The following GSE1 variants were observed in gnomAD, a reference collection of about 807,000 sequenced individuals.
The protein encoded by GSE1 is Gse1 coiled-coil protein, also known as genetic suppressor element 1.
In GSE1, 32 loss-of-function variants were observed where a neutral mutation model predicts 112.6. That is an observed-to-expected ratio of 0.28 (90% confidence interval 0.21 to 0.38). The LOEUF (loss-of-function observed/expected upper bound fraction) is 0.38, where lower values mean the gene tolerates loss of function less well. Among genes scored for constraint, GSE1 ranks in the 10% least tolerant of loss-of-function variants. The pLI is 1.00. For missense variants in GSE1, 2,348 were observed against 1,699.2 expected (o/e 1.38, Z -6.71); for synonymous variants, 1,115 against 735.6 (o/e 1.52, Z -8.35).
rs1598752334 is a variant in GSE1 at position 85,675,579 on chromosome 16, T to G, written c.*3040T>G. The G allele has an allele frequency of 6.6e-6, 1 of 152,318 alleles. No homozygotes were observed. The highest frequency in any genetic ancestry group is 2.1e-4 in the South Asian group (1 of 4,828). 9.4% of individuals were successfully genotyped at this position (152,318 alleles called of 1,614,324 possible). Reference sequence around the variant, plus strand: ...CAAAAGGAGCCCACACCTTCAGCAGTGAAGGATTCTAACACAGGGAATCTG... The same window carrying G: ...CAAAAGGAGCCCACACCTTCAGCAGGGAAGGATTCTAACACAGGGAATCTG... On this transcript the variant is annotated 3_prime_UTR_variant, in exon 16 of 16. Coordinates refer to ENST00000253458, the MANE Select transcript of GSE1 (RefSeq NM_014615.5).
intron 2 of GSE1, among the ~76,000 whole-genome samples, chr16:85,541,370 G>A (rs538198020): frequency 1.3e-5 from 2 of 152,376 alleles, no homozygotes; most frequent in South Asian, 2.1e-4. Flanking sequence ...GCCAGAGGCG[G>A]AGCCTGGGTA....
chr16:85,336,173 G>C (rs2046479480), intron 1 of GSE1, among the ~76,000 whole-genome samples: 1 of 152,198 alleles, frequency 6.6e-6, no homozygotes, highest in Non-Finnish European at 1.5e-5. Flanking sequence ...GGGCTGACTG[G>C]GCAGCATCAA....
intron 2 of GSE1, among the ~76,000 whole-genome samples, chr16:85,435,906 G>C (rs977904461): frequency 5.3e-5 from 8 of 152,112 alleles, no homozygotes; most frequent in Admixed American, 4.6e-4. Context: ...CAGGGGACTT[G>C]TGTGTGCCTA....
chr16:85,357,444 C>G (rs1053776179), intron 1 of GSE1: 10 of 1,199,432 alleles, frequency 8.3e-6, no homozygotes, highest in Non-Finnish European at 1.1e-5. Context: ...CTCACTGTGT[C>G]CACCTCTTTT....
At chr16:85,669,735 G>C (rs1055205080) in intron 14 of GSE1, among the ~76,000 whole-genome samples, 2 of 152,186 alleles carry the variant, frequency 1.3e-5, no homozygotes, top group Non-Finnish European at 2.9e-5. Context: ...CTGTGAGTTT[G>C]GCTTTTTCCT....
chr16:85,199,603 A>C (rs1335194038), intron 1 of GSE1, among the ~76,000 whole-genome samples: 1 of 152,218 alleles, frequency 6.6e-6, no homozygotes, highest in East Asian at 1.9e-4. Context: ...ATTTCTGGGT[A>C]ATGCGTAGTT....
At chr16:85,547,004 G>A (rs568304499) in intron 2 of GSE1, among the ~76,000 whole-genome samples, 189 of 152,304 alleles carry the variant, frequency 1.2e-3, no homozygotes, top group African/African-American at 3.7e-3. Context: ...ATGAGACGGC[G>A]GGCAGGTCCC....
Position 85,488,493 on chromosome 16 carries a change from C to G in GSE1, c.2464+130850C>G, listed in dbSNP as rs138180086. Among the ~76,000 whole-genome samples, 227 of 152,140 alleles carry G rather than the reference C, an allele frequency of 1.5e-3. 1 individual carries two copies. Among genetic ancestry groups the G allele is most frequent in the African/African-American group, 5.2e-3 (214 of 41,506 alleles). On this transcript the variant is annotated intron_variant, in intron 2 of 2. Transcript: ENST00000637419. ...CTTGTTGCAAGTCTGGCTTATTCCT[C>G]TCTCAGCAGGTCCAAGCTCCCTGTT...
At chr16:85,241,363 A>G (rs1408338849) in intron 1 of GSE1, among the ~76,000 whole-genome samples, 1 of 151,952 alleles carries the variant, frequency 6.6e-6, no homozygotes, top group Non-Finnish European at 1.5e-5. Flanking sequence ...TCCCTGTGCT[A>G]CCTCCCAGGC....
At chr16:85,397,439 C>T (rs963596160) in intron 2 of GSE1, among the ~76,000 whole-genome samples, 3 of 152,248 alleles carry the variant, frequency 2.0e-5, no homozygotes, top group East Asian at 1.9e-4. Flanking sequence ...TGTATCTCCT[C>T]GCATGGACCC....
chr16:85,633,887 C>T (rs755964711), intron 1 of GSE1, 27 bp from the exon 2 acceptor site: 38 of 1,580,162 alleles, frequency 2.4e-5, no homozygotes, highest in Non-Finnish European at 2.8e-5. Context: ...CTCTGGGTGA[C>T]CTCTGGTTCT....
In GSE1 at chr16:85,674,950, C is replaced by G. The variant is rs1178481896; in HGVS notation, c.*2411C>G. ...GTAATACGACAATCAGAATACAAAC[C>G]AGTAAGGCAACACGAATAAACTAAG... On this transcript the variant is annotated 3_prime_UTR_variant, in exon 16 of 16. Coordinates refer to ENST00000253458, the MANE Select transcript of GSE1 (RefSeq NM_014615.5). 2 of 152,628 alleles carry G rather than the reference C, an allele frequency of 1.3e-5. No individual in the cohort carries two copies. Among genetic ancestry groups the G allele is most frequent in the African/African-American group, 4.8e-5 (2 of 41,454 alleles). 9.5% of individuals were successfully genotyped at this position (152,628 alleles called of 1,614,324 possible). A position where few individuals can be genotyped will look rare whatever the true frequency, so the allele number is the denominator to read the frequency against.
Position 85,663,043 on chromosome 16 carries a change from C to A in GSE1, c.2323C>A (p.Leu775Ile). The stretch of plus-strand genomic sequence containing the variant: ...CGATGAGGAGGAGGTCAGGGCCCAC[C>A]TCCGTTGCGTGGCCGAGCAGCCGCC... Reference protein sequence around the residue: ...ESDEEEVRAHLRCVAEQPPLK... With the variant: ...ESDEEEVRAHIRCVAEQPPLK... The change falls in exon 10 of 16, where the codon CTC becomes ATC. Residue 775 changes from leucine (L) to isoleucine (I), a missense_variant. Coordinates refer to ENST00000253458, the MANE Select transcript of GSE1 (RefSeq NM_014615.5). The A allele has an allele frequency of 6.2e-7, 1 of 1,613,294 alleles. No homozygotes were observed. The highest frequency in any genetic ancestry group is 8.5e-7 in the Non-Finnish European group (1 of 1,179,844).
chr16:85,674,410 G>A lies in GSE1; in HGVS notation c.*1871G>A, dbSNP rs1006598415. ...AGAAGCAGCTGGAAGAGAACTCGAG[G>A]GGCTGTGCTGCAGGCCTCCCCTCGA... On this transcript the variant is annotated 3_prime_UTR_variant, in exon 16 of 16. Transcript: ENST00000253458. 1 of 151,974 alleles carries A rather than the reference G, an allele frequency of 6.6e-6. No individual in the cohort carries two copies. Among genetic ancestry groups the A allele is most frequent in the Non-Finnish European group, 1.5e-5 (1 of 68,046 alleles). The allele number at this position is 151,974 out of a possible 1,614,324, so 9.4% of individuals were successfully genotyped here.
chr16:85,300,652 G>T (rs564238803), intron 1 of GSE1, among the ~76,000 whole-genome samples: 1 of 152,206 alleles, frequency 6.6e-6, no homozygotes, highest in Non-Finnish European at 1.5e-5. Context: ...ATAGTCCATG[G>T]AGTGGTCCGA....
upstream of GSE1, among the ~76,000 whole-genome samples, chr16:85,554,350 C>T (rs1297426955): frequency 6.6e-6 from 1 of 152,160 alleles, no homozygotes; most frequent in East Asian, 1.9e-4. Context: ...TCCACACTCA[C>T]ACTCTCTGTG....
chr16:85,220,552 C>A (rs1354669922), intron 1 of GSE1, among the ~76,000 whole-genome samples: 1 of 152,218 alleles, frequency 6.6e-6, no homozygotes, highest in African/African-American at 2.4e-5. Flanking sequence ...TGACTTTGGT[C>A]GTCAAACCAC....
intron 1 of GSE1, among the ~76,000 whole-genome samples, chr16:85,294,023 G>C (rs1243648933): frequency 5.3e-5 from 8 of 152,192 alleles, no homozygotes; most frequent in Admixed American, 5.2e-4. Context: ...CTGTGCAATG[G>C]GGATGGCAGC....
intron 2 of GSE1, among the ~76,000 whole-genome samples, chr16:85,372,555 C>T (rs1019915429): frequency 2.6e-5 from 4 of 151,944 alleles, no homozygotes; most frequent in Non-Finnish European, 5.9e-5. Context: ...GTAGTGCGCA[C>T]CTCGTGCCCT....
Sources: allele counts gnomAD v4.1 joint callset (sites outside exome capture counted in the v4.1 genomes callset), GRCh38; gene constraint gnomAD v4.1.1; transcripts MANE v1.5; gene names NCBI Gene and HGNC (gene_info 2026-07-23, HGNC 2026-07-21).